Variants in TIPARP observed in about 807,000 individuals in gnomAD.
TIPARP encodes the protein protein mono-ADP-ribosyltransferase TIPARP.
A neutral mutation model predicts 56.5 loss-of-function variants in TIPARP; 12 were observed. The observed-to-expected ratio is 0.21, with a 90% CI of 0.14 to 0.34. The LOEUF is 0.34. TIPARP is among the 10% of genes least tolerant of loss of function. The probability of loss-of-function intolerance (pLI) is 1.00; values close to 1 mark genes in which losing one functional copy is unlikely to be tolerated. For missense variants in TIPARP, 604 were observed against 781.6 expected (o/e 0.77, Z 2.71); for synonymous variants, 296 against 265.7 (o/e 1.11, Z -1.11).
At chr3:156,700,228 C>T (rs1453570721) in intron 4 of TIPARP, among the ~76,000 whole-genome samples, 1 of 151,978 alleles carries the variant, frequency 6.6e-6, no homozygotes, top group Non-Finnish European at 1.5e-5. Context: ...CTGCTTTAGC[C>T]TCCCAAGTAG....
chr3:156,681,203 C>A (rs1014346504), intron 2 of TIPARP: 2 of 456,608 alleles, frequency 4.4e-6, no homozygotes, highest in Non-Finnish European at 4.4e-6. Flanking sequence ...CACATGGTTA[C>A]CACATTATTT....
rs796195302 is a variant in TIPARP at position 156,684,826 on chromosome 3, C to T, written c.917+6212C>T. On this transcript the variant is annotated intron_variant, in intron 2 of 5. Coordinates refer to ENST00000295924, the MANE Select transcript of TIPARP (RefSeq NM_015508.5). ...GCTTTCTAGGGACTGAGAATTATAC[C>T]GTATACAGACTCACCCCAATTTAAA... is the stretch of plus-strand genomic sequence containing the variant. 2.3e-4 allele frequency among the ~76,000 whole-genome samples: 35 copies of T among 152,086 alleles called. 1 individual carries two copies. Among genetic ancestry groups the T allele is most frequent in the Admixed American group, 2.0e-3 (31 of 15,284 alleles).
chr3:156,677,388 A>G (rs142737922), intron 1 of TIPARP, among the ~76,000 whole-genome samples: 5 of 152,302 alleles, frequency 3.3e-5, no homozygotes, highest in African/African-American at 4.8e-5. Context: ...CAGAATTGCA[A>G]ACTCTTATGT....
chr3:156,703,381 T>C (rs1454358535), intron 4 of TIPARP, 43 bp from the exon 5 acceptor site: 1 of 1,594,478 alleles, frequency 6.3e-7, no homozygotes, highest in Non-Finnish European at 8.6e-7. Flanking sequence ...GGTGTACTTA[T>C]TTCTTAATGT....
At chr3:156,696,087 A>T in intron 4 of TIPARP, 62 bp downstream of exon 4, 1 of 1,528,206 alleles carries the variant, frequency 6.5e-7, no homozygotes, top group Non-Finnish European at 8.8e-7. Context: ...ATTCCTGAAT[A>T]CTAGAGATAA....
At chr3:156,680,762 C>T (rs1279440208) in intron 2 of TIPARP, among the ~76,000 whole-genome samples, 1 of 152,110 alleles carries the variant, frequency 6.6e-6, no homozygotes, top group Admixed American at 6.6e-5. Flanking sequence ...GATATAGGCC[C>T]ATAAGCCTGC....
chr3:156,699,375 C>T (rs1722792096), intron 4 of TIPARP, among the ~76,000 whole-genome samples: 1 of 152,082 alleles, frequency 6.6e-6, no homozygotes, highest in Non-Finnish European at 1.5e-5. Context: ...AATAAATTGC[C>T]ACTGCCACCT....
At chr3:156,697,422 C>T (rs78334678) in intron 4 of TIPARP, among the ~76,000 whole-genome samples, 34 of 140,266 alleles carry the variant, frequency 2.4e-4, no homozygotes, top group African/African-American at 3.2e-4. Context: ...AATATGCCCT[C>T]TTTTTTTTTT....
chr3:156,696,597 T>A (rs1437635355), intron 4 of TIPARP, among the ~76,000 whole-genome samples: 1 of 152,218 alleles, frequency 6.6e-6, no homozygotes, highest in Non-Finnish European at 1.5e-5. Flanking sequence ...AGGACTGAAC[T>A]CACTCTTCTG....
chr3:156,684,298 C>G (rs1229461962), intron 2 of TIPARP, among the ~76,000 whole-genome samples: 1 of 152,106 alleles, frequency 6.6e-6, no homozygotes, highest in African/African-American at 2.4e-5. Flanking sequence ...AAGCCATTTT[C>G]CCTTTGATTC....
intron 1 of TIPARP, among the ~76,000 whole-genome samples, chr3:156,676,853 AATGT>A (rs1722143927): frequency 1.3e-5 from 2 of 152,052 alleles, no homozygotes; most frequent in Admixed American, 1.3e-4. Flanking sequence ...GCTCTTTAAA[AATGT>A]ATGTATGTAA....
chr3:156,675,218 C>T (rs114679164), intron 1 of TIPARP: 1,960 of 152,320 alleles, frequency 0.013, 23 homozygotes, highest in Middle Eastern at 0.031. Context: ...CTTCCGGCTA[C>T]CCCGCGTTTC....
Position 156,678,219 on chromosome 3 carries a change from T to A in TIPARP, c.522T>A (p.Ser174Arg). 1 of 1,614,136 alleles carries A rather than the reference T, an allele frequency of 6.2e-7. No individual in the cohort carries two copies. Among genetic ancestry groups the A allele is most frequent in the East Asian group, 2.2e-5 (1 of 44,886 alleles). ...LHPVSSDVPT[S>R]PDCLDKVIDY... is the part of the protein sequence containing the mutation. ...CAGTTTCAAGTGATGTTCCTACTAG[T>A]CCTGACTGCTTAGACAAAGTCATAG... Residue 174 changes from serine (S) to arginine (R), a missense_variant, in exon 2 of 6, where the codon AGT becomes AGA. Physicochemically the swap from Ser to Arg is moderately radical, Grantham distance 110. Transcript: ENST00000295924.
At chr3:156,704,358 T>A (rs769250070) in intron 5 of TIPARP, among the ~76,000 whole-genome samples, 2 of 152,142 alleles carry the variant, frequency 1.3e-5, no homozygotes, top group South Asian at 4.1e-4. Flanking sequence ...ATGGAGGGAA[T>A]ACATTTAGAT....
intron 2 of TIPARP, among the ~76,000 whole-genome samples, chr3:156,691,241 T>G (rs1283627631): frequency 6.6e-6 from 1 of 152,170 alleles, no homozygotes; most frequent in Non-Finnish European, 1.5e-5. Context: ...GCTTCTAAGA[T>G]TCTTCTTCTT....
chr3:156,684,494 C>A, intron 2 of TIPARP, among the ~76,000 whole-genome samples: 1 of 152,164 alleles, frequency 6.6e-6, no homozygotes, highest in African/African-American at 2.4e-5. Flanking sequence ...AGTGCAGTGG[C>A]ATAATCTCGG....
At chr3:156,686,318 A>G (rs1004713301) in intron 2 of TIPARP, among the ~76,000 whole-genome samples, 12 of 152,130 alleles carry the variant, frequency 7.9e-5, no homozygotes, top group African/African-American at 2.2e-4. Context: ...GTAGAATCCA[A>G]CTCCCTCAGA....
intron 2 of TIPARP, among the ~76,000 whole-genome samples, chr3:156,688,458 CATTT>C (rs1722483760): frequency 7.2e-6 from 1 of 139,842 alleles, no homozygotes; most frequent in African/African-American, 2.7e-5. Flanking sequence ...TGGATGTAAG[CATTT>C]ATGAATAAGT....
At chr3:156,686,106 G>A (rs904658537) in intron 2 of TIPARP, among the ~76,000 whole-genome samples, 2 of 152,188 alleles carry the variant, frequency 1.3e-5, no homozygotes, top group African/African-American at 4.8e-5. Context: ...TTGAATCTGT[G>A]CAGAGTATGT....
Sources: gnomAD v4.1 joint callset for allele counts (sites outside exome capture counted in the v4.1 genomes callset) on GRCh38, gnomAD v4.1.1 for gene constraint, MANE v1.5 for transcripts, NCBI Gene and HGNC (gene_info 2026-07-23, HGNC 2026-07-21) for gene names.